MAL: variants seen among roughly 807,000 people sequenced by gnomAD.
The protein encoded by MAL is mal, T cell differentiation protein (MAL blood group).
In MAL, 5 loss-of-function variants were observed where a neutral mutation model predicts 16.7. The ratio of observed to expected loss-of-function variants is 0.30; its 90% CI spans 0.16 to 0.63. The LOEUF is 0.63. Among genes scored for constraint, MAL ranks in the 30% least tolerant of loss-of-function variants. The pLI is 0.82. For missense variants in MAL, 202 were observed against 195.8 expected (o/e 1.03, Z -0.19); for synonymous variants, 96 against 85.5 (o/e 1.12, Z -0.67).
chr2:95,031,745 A>T (rs1370930924), intron 1 of MAL, among the ~76,000 whole-genome samples: 1 of 152,194 alleles, frequency 6.6e-6, no homozygotes, highest in African/African-American at 2.4e-5. Context: ...GACTGTGTCC[A>T]CTGGCTCCTG....
Position 95,053,684 on chromosome 2 carries a change from T to A in MAL, c.*229T>A. 1 of 557,594 alleles carries A rather than the reference T, an allele frequency of 1.8e-6. No individual in the cohort carries two copies. The highest frequency in any genetic ancestry group is 3.2e-6 in the Non-Finnish European group (1 of 312,446). 34.5% of individuals were successfully genotyped at this position (557,594 alleles called of 1,614,324 possible). A position where few individuals can be genotyped will look rare whatever the true frequency, so the allele number is the denominator to read the frequency against. ...GAGCTTGCTGTGTCTAACCTCCAAC[T>A]GCTGTGCTGTCTGCTAGGGTCACCT... On this transcript the variant is annotated 3_prime_UTR_variant, in exon 4 of 4. Transcript: ENST00000309988.
chr2:95,034,062 C>A (rs370042527), intron 1 of MAL, among the ~76,000 whole-genome samples: 3 of 152,218 alleles, frequency 2.0e-5, no homozygotes, highest in African/African-American at 4.8e-5. Context: ...CGACCTGTGC[C>A]GATGGCAGGG....
At chr2:95,037,802 A>AAGTG (rs1345633849) in intron 1 of MAL, among the ~76,000 whole-genome samples, 1 of 58,478 alleles carries the variant, frequency 1.7e-5, no homozygotes, top group African/African-American at 6.9e-5. Context: ...GTGAGTGACT[A>AAGTG]AGTGAGTGAG....
At chr2:95,049,533 G>A (rs2104361330) in intron 2 of MAL, 48 bp from the exon 3 acceptor site, 2 of 1,607,994 alleles carry the variant, frequency 1.2e-6, no homozygotes, top group East Asian at 4.5e-5. Context: ...CTGCATCTGG[G>A]CCCCGTCTCT....
intron 3 of MAL, among the ~76,000 whole-genome samples, chr2:95,050,967 C>G (rs766946314): frequency 6.6e-5 from 10 of 152,210 alleles, no homozygotes; most frequent in Admixed American, 6.5e-5. Flanking sequence ...ATACCTCCCC[C>G]ATCCCAGCCA....
Position 95,053,370 on chromosome 2 carries a change from C to G in MAL, c.388-11C>G, listed in dbSNP as rs1203896047. ...CACAAACCCATTAACGGCCATTTCT[C>G]TTGGTTCCAGGTGTTCTCCTACATA... On this transcript the variant is annotated splice_polypyrimidine_tract_variant and intron_variant, in intron 3 of 3. Transcript: ENST00000309988. 1.2e-6 allele frequency: 2 copies of G among 1,602,124 alleles called. No homozygotes were observed. Among genetic ancestry groups the G allele is most frequent in the Admixed American group, 1.7e-5 (1 of 59,992 alleles).
At chr2:95,030,103 C>A (rs1674041744) in intron 1 of MAL, among the ~76,000 whole-genome samples, 1 of 152,152 alleles carries the variant, frequency 6.6e-6, no homozygotes, top group South Asian at 2.1e-4. Flanking sequence ...CCCACTGGAG[C>A]AAGTGAGGGT....
Position 95,053,440 on chromosome 2 carries a change from A to G in MAL, c.447A>G (p.Arg149=), listed in dbSNP as rs765314357. The G allele has an allele frequency of 3.7e-6, 6 of 1,613,242 alleles. No homozygotes were observed. Among genetic ancestry groups the G allele is most frequent in the African/African-American group, 1.3e-5 (1 of 74,886 alleles). ...YVVHAVFSLI[R]WKSS ...TCCATGCGGTGTTCTCTTTAATCAG[A>G]TGGAAGTCTTCATAAAGCCGCAGTA... Residue 149 remains arginine (R), a synonymous_variant, in exon 4 of 4, where the codon AGA becomes AGG. Transcript: ENST00000309988.
At chr2:95,048,607 C>T (rs1476381510) in intron 2 of MAL, among the ~76,000 whole-genome samples, 1 of 152,174 alleles carries the variant, frequency 6.6e-6, no homozygotes, top group African/African-American at 2.4e-5. Context: ...GAAACAGAAG[C>T]GGCCTTTGGT....
intron 3 of MAL, 99 bp downstream of exon 3, chr2:95,049,805 A>T: frequency 1.3e-6 from 2 of 1,519,262 alleles, no homozygotes; most frequent in Non-Finnish European, 1.8e-6. Flanking sequence ...TTTTCAGTTC[A>T]CTAACTTTTG....
At chr2:95,046,839 GAGAA>G (rs1195516244) in intron 1 of MAL, among the ~76,000 whole-genome samples, 1 of 150,912 alleles carries the variant, frequency 6.6e-6, no homozygotes, top group African/African-American at 2.4e-5. Flanking sequence ...AAGAAAGAGA[GAGAA>G]AGAGAAAGGG....
intron 1 of MAL, among the ~76,000 whole-genome samples, chr2:95,035,501 G>C (rs1674182235): frequency 6.6e-6 from 1 of 152,106 alleles, no homozygotes. Flanking sequence ...GCTCATGAGG[G>C]AGGTGGGTGT....
At chr2:95,035,716 C>T (rs1375308670) in intron 1 of MAL, among the ~76,000 whole-genome samples, 2 of 148,564 alleles carry the variant, frequency 1.3e-5, no homozygotes, top group Admixed American at 6.8e-5. Flanking sequence ...GTCGCCCAGG[C>T]TGGAGTGCAG....
chr2:95,048,043 G>A lies in MAL; in HGVS notation c.178G>A (p.Val60Met), dbSNP rs760723204. The change falls in exon 2 of 4, where the codon GTG becomes ATG. Residue 60 changes from valine (V) to methionine (M), a missense_variant. Val to Met is a conservative substitution (Grantham distance 21, BLOSUM62 1). Coordinates refer to ENST00000309988, the MANE Select transcript of MAL (RefSeq NM_002371.4). ...CCAGGGCTGGGTGATGTTCGTGTCT[G>A]TGTTCTGCTTCGTGGCCACCACCAC... is the stretch of plus-strand genomic sequence containing the variant. ...LVQGWVMFVS[V>M]FCFVATTTLI... The A allele has an allele frequency of 6.2e-7, 1 of 1,614,038 alleles. No individual in the cohort carries two copies. The highest frequency in any genetic ancestry group is 8.5e-7 in the Non-Finnish European group (1 of 1,179,946).
intron 1 of MAL, among the ~76,000 whole-genome samples, chr2:95,036,693 GTGAGTGAGTGAC>G (rs1311233424): frequency 2.0e-5 from 3 of 152,162 alleles, no homozygotes; most frequent in Non-Finnish European, 2.9e-5. Flanking sequence ...GAGTGACTGA[GTGAGTGAGTGAC>G]TGAGTGAGTG....
At chr2:95,037,978 G>T (rs1170611316) in intron 1 of MAL, among the ~76,000 whole-genome samples, 2 of 151,002 alleles carry the variant, frequency 1.3e-5, no homozygotes, top group Non-Finnish European at 3.0e-5. Flanking sequence ...GTGAGTGAGT[G>T]ACTGAGTGAG....
At chr2:95,038,280 C>G (rs1355432652) in intron 1 of MAL, among the ~76,000 whole-genome samples, 3 of 110,612 alleles carry the variant, frequency 2.7e-5, no homozygotes, top group African/African-American at 7.0e-5. Context: ...GACTGAGTGA[C>G]CGAGTGGGTG....
intron 1 of MAL, among the ~76,000 whole-genome samples, chr2:95,027,861 T>A (rs974157162): frequency 1.4e-4 from 22 of 152,032 alleles, no homozygotes; most frequent in Non-Finnish European, 1.2e-4. Context: ...TTTTTTTAAT[T>A]ATGGAATATT....
intron 2 of MAL, 141 bp downstream of exon 2, chr2:95,048,267 C>G: frequency 2.1e-6 from 2 of 932,740 alleles, no homozygotes; most frequent in Non-Finnish European, 3.2e-6. Context: ...CTGAGCCTGC[C>G]CAGGGCTCCT....
Sources: gnomAD v4.1 joint callset for allele counts (sites outside exome capture counted in the v4.1 genomes callset) on GRCh38, gnomAD v4.1.1 for gene constraint, MANE v1.5 for transcripts, NCBI Gene and HGNC (gene_info 2026-07-23, HGNC 2026-07-21) for gene names.